OR1J2: variants seen among roughly 807,000 people sequenced by gnomAD.
The protein encoded by OR1J2 is olfactory receptor 1J2.
For synonymous variants in OR1J2, 142 were observed against 99.7 expected (o/e 1.42, Z -2.52); for missense variants, 304 against 246.1 (o/e 1.24, Z -1.57).
the OR1J2 span, among the ~76,000 whole-genome samples, chr9:122,459,194 T>C: frequency 6.6e-6 from 1 of 152,234 alleles, no homozygotes; most frequent in Admixed American, 6.5e-5. Flanking sequence ...ATTTGTCTGT[T>C]GATGGACACT....
At chr9:122,579,975 G>A in the OR1J2 span, among the ~76,000 whole-genome samples, 3 of 152,022 alleles carry the variant, frequency 2.0e-5, no homozygotes, top group African/African-American at 4.8e-5. Flanking sequence ...TCAGAAGGTC[G>A]CCATTGAAAC....
the OR1J2 span, among the ~76,000 whole-genome samples, chr9:122,502,566 G>A: frequency 1.3e-5 from 2 of 152,166 alleles, no homozygotes; most frequent in Admixed American, 1.3e-4. Context: ...ACACCAAAAA[G>A]TGTTCCAGTG....
the OR1J2 span, among the ~76,000 whole-genome samples, chr9:122,540,612 T>C: frequency 6.6e-6 from 1 of 152,124 alleles, no homozygotes; most frequent in African/African-American, 2.4e-5. Context: ...CTTTTTTGGT[T>C]CCATATGAAC....
upstream of OR1J2, among the ~76,000 whole-genome samples, chr9:122,507,888 C>G (rs1274974485): frequency 6.6e-6 from 1 of 152,074 alleles, no homozygotes; most frequent in Admixed American, 6.6e-5. Context: ...TCAAATATGT[C>G]ATCTCACTTC....
At chr9:122,462,465 G>A in the OR1J2 span, among the ~76,000 whole-genome samples, 2 of 152,070 alleles carry the variant, frequency 1.3e-5, no homozygotes, top group African/African-American at 2.4e-5. Flanking sequence ...CATTCTATTT[G>A]TTGCATGAAA....
downstream of OR1J2, among the ~76,000 whole-genome samples, chr9:122,513,189 CTT>C (rs1333221603): frequency 6.6e-6 from 1 of 152,166 alleles, no homozygotes; most frequent in Non-Finnish European, 1.5e-5. Context: ...TATATCCACT[CTT>C]TTTGTCACAT....
At chr9:122,552,747 TG>T in the OR1J2 span, among the ~76,000 whole-genome samples, 1 of 127,620 alleles carries the variant, frequency 7.8e-6, no homozygotes, top group African/African-American at 3.0e-5. Context: ...AAAGAGGGCT[TG>T]AGTGTGTGTG....
the OR1J2 span, among the ~76,000 whole-genome samples, chr9:122,530,138 G>T: frequency 6.6e-6 from 1 of 152,196 alleles, no homozygotes; most frequent in Non-Finnish European, 1.5e-5. Context: ...AAATCCATGA[G>T]ATGAATAAAG....
the OR1J2 span, among the ~76,000 whole-genome samples, chr9:122,464,095 G>A: frequency 6.6e-6 from 1 of 152,186 alleles, no homozygotes; most frequent in Non-Finnish European, 1.5e-5. Flanking sequence ...GCTCAGGCTC[G>A]CCTTTGGTGA....
chr9:122,477,605 C>G, the OR1J2 span: 1 of 1,614,056 alleles, frequency 6.2e-7, no homozygotes, highest in South Asian at 1.1e-5. Flanking sequence ...TCTAAGTCAG[C>G]AAAAAATATG....
the OR1J2 span, chr9:122,554,170 T>C: frequency 9.4e-6 from 15 of 1,599,766 alleles, no homozygotes; most frequent in Non-Finnish European, 1.2e-5. Context: ...TGATTAGACA[T>C]CTAGACGGTG....
chr9:122,449,438 C>T, the OR1J2 span, among the ~76,000 whole-genome samples: 4 of 152,210 alleles, frequency 2.6e-5, no homozygotes, highest in South Asian at 2.1e-4. Flanking sequence ...GGTGCGATCT[C>T]GGCTTACTGC....
chr9:122,570,244 G>T, the OR1J2 span, among the ~76,000 whole-genome samples: 3 of 151,402 alleles, frequency 2.0e-5, 1 homozygote, highest in South Asian at 6.3e-4. Context: ...AGATCCCTGA[G>T]GAATCGCCAC....
chr9:122,453,656 C>T, the OR1J2 span, among the ~76,000 whole-genome samples: 1 of 152,170 alleles, frequency 6.6e-6, no homozygotes, highest in African/African-American at 2.4e-5. Context: ...AGGGTGAGAT[C>T]ATCATTGGTA....
the OR1J2 span, among the ~76,000 whole-genome samples, chr9:122,562,009 G>A: frequency 6.6e-6 from 1 of 152,192 alleles, no homozygotes; most frequent in Non-Finnish European, 1.5e-5. Context: ...CCAGGGAGAT[G>A]AGAGTTCTGT....
At chr9:122,570,222 A>G in the OR1J2 span, among the ~76,000 whole-genome samples, 26 of 151,112 alleles carry the variant, frequency 1.7e-4, no homozygotes, top group East Asian at 4.1e-3. Flanking sequence ...GTCAAATGGT[A>G]TTTCTAGTTC....
the OR1J2 span, among the ~76,000 whole-genome samples, chr9:122,499,794 A>G: frequency 6.6e-6 from 1 of 152,142 alleles, no homozygotes; most frequent in Non-Finnish European, 1.5e-5. Context: ...AGGGACCCCA[A>G]ATGCTTTGTT....
chr9:122,535,625 T>TCAAA, the OR1J2 span, among the ~76,000 whole-genome samples: 1 of 152,074 alleles, frequency 6.6e-6, no homozygotes, highest in Non-Finnish European at 1.5e-5. Context: ...GGTGAGATGT[T>TCAAA]TCTTGGGCTG....
chr9:122,450,739 CT>C, the OR1J2 span, among the ~76,000 whole-genome samples: 381 of 152,276 alleles, frequency 2.5e-3, 1 homozygote, highest in African/African-American at 8.8e-3. Flanking sequence ...CAGTGTTTTG[CT>C]TTTCCCTGTC....
Sources: allele counts gnomAD v4.1 joint callset (sites outside exome capture counted in the v4.1 genomes callset), GRCh38; gene constraint gnomAD v4.1.1; transcripts MANE v1.5; gene names NCBI Gene and HGNC (gene_info 2026-07-23, HGNC 2026-07-21).